Variants in KAZN observed in about 807,000 individuals in gnomAD.
The protein encoded by KAZN is kazrin.
In KAZN, 40 loss-of-function variants were observed where a neutral mutation model predicts 87.4. The ratio of observed to expected loss-of-function variants is 0.46; its 90% confidence interval spans 0.36 to 0.60. The LOEUF (loss-of-function observed/expected upper bound fraction) is 0.60. KAZN is among the 20% of genes least tolerant of loss of function. The pLI, the probability that KAZN is intolerant of heterozygous loss-of-function variation, is 0.00. For missense variants in KAZN, 898 were observed against 1,073.9 expected, an observed-to-expected ratio of 0.84 and a Z score of 2.29; for synonymous variants, 466 against 458.3, an observed-to-expected ratio of 1.02 and a Z score of -0.22.
At chr1:14,065,207 C>G (rs904788310) in intron 1 of KAZN, among the ~76,000 whole-genome samples, 1 of 152,126 alleles carries the variant, frequency 6.6e-6, no homozygotes, top group African/African-American at 2.4e-5. Flanking sequence ...GCTTGCCTTC[C>G]GCATTGATAA....
chr1:14,368,111 C>A (rs1660164047), intron 2 of KAZN, among the ~76,000 whole-genome samples: 1 of 152,042 alleles, frequency 6.6e-6, no homozygotes, highest in Non-Finnish European at 1.5e-5. Flanking sequence ...TCTATCTGTA[C>A]GTGCAGATAC....
chr1:15,048,730 A>C (rs113832257), intron 4 of KAZN, among the ~76,000 whole-genome samples: 38,939 of 97,686 alleles, frequency 0.4, 7,351 homozygotes, highest in East Asian at 0.75. Flanking sequence ...GTCGTTGGTC[A>C]TGGGTCGTCG....
At chr1:14,210,997 A>G (rs1646842047) in intron 2 of KAZN, among the ~76,000 whole-genome samples, 1 of 152,062 alleles carries the variant, frequency 6.6e-6, no homozygotes, top group Non-Finnish European at 1.5e-5. Context: ...ATTATAGATT[A>G]TTATAATTAT....
intron 2 of KAZN, among the ~76,000 whole-genome samples, chr1:15,018,010 T>C (rs1200413782): frequency 6.6e-6 from 1 of 152,182 alleles, no homozygotes; most frequent in Non-Finnish European, 1.5e-5. Flanking sequence ...ATGGAGTCTT[T>C]AGGGTTCTCC....
At chr1:14,177,795 T>TG (rs1491301219) in intron 1 of KAZN, among the ~76,000 whole-genome samples, 1,424 of 72,270 alleles carry the variant, frequency 0.02, 17 homozygotes, top group African/African-American at 0.11. Context: ...TGTGTGTGTG[T>TG]TTTTTTTTTT....
chr1:14,365,194 C>G (rs1358333687), intron 2 of KAZN, among the ~76,000 whole-genome samples: 1 of 152,086 alleles, frequency 6.6e-6, no homozygotes, highest in South Asian at 2.1e-4. Context: ...CAAGTGCCCG[C>G]CACCATGCCT....
At chr1:14,768,142 A>T (rs1240189188) in intron 1 of KAZN, among the ~76,000 whole-genome samples, 1 of 152,222 alleles carries the variant, frequency 6.6e-6, no homozygotes, top group African/African-American at 2.4e-5. Flanking sequence ...TCTTCATCTG[A>T]GCATTTTTGT....
intron 1 of KAZN, among the ~76,000 whole-genome samples, chr1:14,896,305 G>A (rs1055055264): frequency 6.6e-6 from 1 of 152,080 alleles, no homozygotes; most frequent in African/African-American, 2.4e-5. Context: ...CGCCTGCCTC[G>A]GCCTCCCAAA....
chr1:14,191,990 G>T (rs1646429852), intron 2 of KAZN, among the ~76,000 whole-genome samples: 1 of 152,142 alleles, frequency 6.6e-6, no homozygotes, highest in Non-Finnish European at 1.5e-5. Flanking sequence ...ACTCCTAGGT[G>T]CAGAACCTAG....
chr1:13,938,042 TG>T (rs754058004), intron 1 of KAZN, among the ~76,000 whole-genome samples: 25 of 152,218 alleles, frequency 1.6e-4, no homozygotes, highest in Non-Finnish European at 2.4e-4. Flanking sequence ...ATTTCAGGAT[TG>T]TTTTTTCTAA....
intron 2 of KAZN, among the ~76,000 whole-genome samples, chr1:14,196,582 G>A (rs993449949): frequency 1.3e-5 from 2 of 152,132 alleles, no homozygotes; most frequent in Non-Finnish European, 2.9e-5. Flanking sequence ...AGGCTGGAGG[G>A]AAGGGAAGGC....
intron 2 of KAZN, among the ~76,000 whole-genome samples, chr1:14,362,600 G>T (rs901709395): frequency 2.6e-5 from 4 of 152,184 alleles, no homozygotes; most frequent in Non-Finnish European, 5.9e-5. Context: ...CAGCTAGAAG[G>T]CTAAGATACT....
intron 2 of KAZN, among the ~76,000 whole-genome samples, chr1:14,333,907 G>A (rs1433464265): frequency 6.6e-6 from 1 of 152,152 alleles, no homozygotes; most frequent in Non-Finnish European, 1.5e-5. Context: ...CTGGAGCCCC[G>A]TGAGTATGGG....
chr1:13,910,880 G>GT (rs2100867626), intron 1 of KAZN, among the ~76,000 whole-genome samples: 1 of 152,100 alleles, frequency 6.6e-6, no homozygotes, highest in South Asian at 2.1e-4. Context: ...AAGAAAAGGG[G>GT]TTTTATTGGC....
At chr1:14,413,836 A>G (rs1048440191) in intron 2 of KAZN, among the ~76,000 whole-genome samples, 3 of 152,226 alleles carry the variant, frequency 2.0e-5, no homozygotes, top group African/African-American at 7.2e-5. Context: ...CAAAAGTTAT[A>G]TCCACAATTC....
chr1:15,065,973 C>T, intron 8 of KAZN: 1 of 1,367,622 alleles, frequency 7.3e-7, no homozygotes, highest in East Asian at 2.9e-5. Context: ...GAGTGTGAAC[C>T]TCTCTCCCCT....
At chr1:14,924,371 G>A in intron 1 of KAZN, 1 of 989,472 alleles carries the variant, frequency 1.0e-6, no homozygotes. Context: ...CGGCATGCGG[G>A]CGGCCGACTC....
chr1:15,017,143 C>G (rs560664330), intron 2 of KAZN, among the ~76,000 whole-genome samples: 1 of 151,868 alleles, frequency 6.6e-6, no homozygotes, highest in East Asian at 2.0e-4. Context: ...ACTGAAAATA[C>G]AAAAATTAGC....
chr1:14,623,505 A>G (rs1678876511), intron 1 of KAZN, among the ~76,000 whole-genome samples: 1 of 152,246 alleles, frequency 6.6e-6, no homozygotes, highest in Non-Finnish European at 1.5e-5. Flanking sequence ...AGCAGAAAGG[A>G]TGATTATCGG....
Sources: allele counts gnomAD v4.1 joint callset (sites outside exome capture counted in the v4.1 genomes callset), GRCh38; gene constraint gnomAD v4.1.1; transcripts MANE v1.5; gene names NCBI Gene and HGNC (gene_info 2026-07-23, HGNC 2026-07-21).